IGF2BP2: variants seen among roughly 807,000 people sequenced by gnomAD.
IGF2BP2 encodes the protein insulin like growth factor 2 mRNA binding protein 2, also known as insulin-like growth factor 2 mRNA-binding protein 2.
A neutral mutation model predicts 75.8 loss-of-function variants in IGF2BP2; 17 were observed. That is an observed-to-expected ratio of 0.22 (90% CI 0.15 to 0.34). The LOEUF is 0.34. Ranked by LOEUF, IGF2BP2 falls within the 10% of genes least tolerant of loss-of-function variation. The pLI is 1.00. For synonymous variants in IGF2BP2, 288 were observed against 295.6 expected (o/e 0.97, Z 0.26); for missense variants, 516 against 772.4 (o/e 0.67, Z 3.93).
At chr3:185,676,482 G>C (rs1053946223) in intron 7 of IGF2BP2, among the ~76,000 whole-genome samples, 2 of 152,054 alleles carry the variant, frequency 1.3e-5, no homozygotes, top group Admixed American at 6.6e-5. Flanking sequence ...TTCAAGACCA[G>C]CCTCGGCAAC....
intron 10 of IGF2BP2, among the ~76,000 whole-genome samples, chr3:185,665,854 C>CTACT (rs1717485624): frequency 6.6e-6 from 1 of 152,108 alleles, no homozygotes; most frequent in Admixed American, 6.5e-5. Context: ...GTAGTCCCAG[C>CTACT]TACTTGGGAG....
intron 2 of IGF2BP2, among the ~76,000 whole-genome samples, chr3:185,788,579 C>G (rs1261151994): frequency 6.6e-6 from 1 of 152,146 alleles, no homozygotes; most frequent in Non-Finnish European, 1.5e-5. Flanking sequence ...CTAGTTCAGT[C>G]AGTCAACCAT....
At chr3:185,813,016 T>C (rs938826367) in intron 2 of IGF2BP2, among the ~76,000 whole-genome samples, 17 of 152,228 alleles carry the variant, frequency 1.1e-4, no homozygotes, top group African/African-American at 3.6e-4. Flanking sequence ...ACCATTAATA[T>C]GCAAATCAGT....
intron 2 of IGF2BP2, among the ~76,000 whole-genome samples, chr3:185,821,928 A>C (rs1000740345): frequency 2.0e-5 from 3 of 152,156 alleles, no homozygotes; most frequent in Non-Finnish European, 4.4e-5. Context: ...TACACGTTAC[A>C]TCTTTCCCAA....
At chr3:185,648,680 G>A (rs902018267) in intron 14 of IGF2BP2, among the ~76,000 whole-genome samples, 1 of 152,022 alleles carries the variant, frequency 6.6e-6, no homozygotes, top group African/African-American at 2.4e-5. Flanking sequence ...GAACATACCT[G>A]GGTCTACAGA....
At chr3:185,823,114 G>A in intron 2 of IGF2BP2, 39 bp downstream of exon 2, 3 of 1,408,200 alleles carry the variant, frequency 2.1e-6, no homozygotes, top group Non-Finnish European at 3.0e-6. Context: ...TTATACGTAA[G>A]GCCAATCGCA....
intron 12 of IGF2BP2, among the ~76,000 whole-genome samples, chr3:185,653,558 T>C (rs543747105): frequency 2.6e-5 from 4 of 151,530 alleles, no homozygotes; most frequent in African/African-American, 4.8e-5. Context: ...AAGGTGGAGG[T>C]TGCAATGAGC....
intron 2 of IGF2BP2, among the ~76,000 whole-genome samples, chr3:185,791,565 C>T (rs920744751): frequency 1.3e-5 from 2 of 152,362 alleles, no homozygotes; most frequent in Admixed American, 6.5e-5. Context: ...TACCTGCTGA[C>T]ACCCAGATAA....
chr3:185,749,125 T>C (rs967492209), intron 2 of IGF2BP2, among the ~76,000 whole-genome samples: 2 of 152,116 alleles, frequency 1.3e-5, no homozygotes, highest in Admixed American at 6.5e-5. Context: ...GATCACGCCA[T>C]TGCATTCCAG....
At chr3:185,706,159 A>C (rs1253164998) in intron 2 of IGF2BP2, among the ~76,000 whole-genome samples, 1 of 152,228 alleles carries the variant, frequency 6.6e-6, no homozygotes, top group Non-Finnish European at 1.5e-5. Flanking sequence ...GCTTGAGTCC[A>C]GGAGTTTGGC....
intron 2 of IGF2BP2, chr3:185,717,828 G>C (rs906618136): frequency 6.6e-6 from 1 of 152,242 alleles, no homozygotes; most frequent in African/African-American, 2.4e-5. Context: ...CCACCAGGTG[G>C]GAAGTAGGTA....
At chr3:185,767,662 A>G (rs1369023745) in intron 2 of IGF2BP2, among the ~76,000 whole-genome samples, 1 of 152,150 alleles carries the variant, frequency 6.6e-6, no homozygotes, top group East Asian at 1.9e-4. Context: ...TCTACTTGGA[A>G]AAAAAAGTTT....
intron 2 of IGF2BP2, among the ~76,000 whole-genome samples, chr3:185,794,949 G>A (rs1341163591): frequency 6.6e-6 from 1 of 151,758 alleles, no homozygotes; most frequent in Non-Finnish European, 1.5e-5. Context: ...CCAGGCTGGA[G>A]TGCAGTGGCG....
chr3:185,676,586 C>T lies in IGF2BP2; in HGVS notation c.813-673G>A, dbSNP rs56213757. Among the ~76,000 whole-genome samples, 934 of 151,780 alleles carry T rather than the reference C, an allele frequency of 6.2e-3. 8 individuals are homozygous for T. The highest frequency in any genetic ancestry group is 0.021 in the African/African-American group (881 of 41,404). On this transcript the variant is annotated intron_variant, in intron 7 of 15. Transcript: ENST00000382199. ...AGCTACTTGGGAGGCTGAGGTGGGA[C>T]TGCTTGAGCCAGGGAGGCCAAAGCT... is the stretch of plus-strand genomic sequence containing the variant.
intron 2 of IGF2BP2, among the ~76,000 whole-genome samples, chr3:185,706,566 A>T (rs996368148): frequency 2.6e-5 from 4 of 152,210 alleles, no homozygotes; most frequent in Non-Finnish European, 4.4e-5. Flanking sequence ...ACTTGCATGA[A>T]ATGACCATTA....
intron 2 of IGF2BP2, among the ~76,000 whole-genome samples, chr3:185,770,702 A>G (rs1266888824): frequency 6.6e-6 from 1 of 152,234 alleles, no homozygotes; most frequent in East Asian, 1.9e-4. Flanking sequence ...AGTCACAGTC[A>G]GAGCAGCACA....
intron 14 of IGF2BP2, among the ~76,000 whole-genome samples, chr3:185,648,720 G>C (rs369908514): frequency 2.2e-4 from 33 of 152,252 alleles, no homozygotes; most frequent in East Asian, 1.2e-3. Context: ...AAGCTTCAAA[G>C]TTAACGCTCT....
intron 2 of IGF2BP2, among the ~76,000 whole-genome samples, chr3:185,792,230 C>T (rs7619232): frequency 0.06 from 9,154 of 152,138 alleles, 336 homozygotes; most frequent in African/African-American, 0.11. Context: ...CAAATTATGG[C>T]CCCTCCAAAA....
intron 7 of IGF2BP2, among the ~76,000 whole-genome samples, chr3:185,683,234 T>C (rs1173142418): frequency 6.6e-6 from 1 of 151,756 alleles, no homozygotes; most frequent in Non-Finnish European, 1.5e-5. Flanking sequence ...GTATGTAGAG[T>C]AGTCAAATTC....
Sources: gnomAD v4.1 joint callset for allele counts (sites outside exome capture counted in the v4.1 genomes callset) on GRCh38, gnomAD v4.1.1 for gene constraint, MANE v1.5 for transcripts, NCBI Gene and HGNC (gene_info 2026-07-23, HGNC 2026-07-21) for gene names.